Variants in EXO1 observed in about 807,000 individuals in gnomAD.
EXO1 encodes exonuclease 1.
Under a neutral mutation model 84.5 loss-of-function variants are expected in EXO1, and 69 were observed. The observed-to-expected ratio is 0.82, with a 90% confidence interval of 0.67 to 1.00. EXO1 has a LOEUF of 1.00. EXO1 is among the 50% of genes least tolerant of loss of function. The pLI is 0.00. For missense variants in EXO1, 1,045 were observed against 1,000.7 expected, an observed-to-expected ratio of 1.04 and a Z score of -0.60; for synonymous variants, 373 against 366.1, an observed-to-expected ratio of 1.02 and a Z score of -0.21.
At chr1:241,861,872 C>T (rs1217101433) in intron 10 of EXO1, among the ~76,000 whole-genome samples, 1 of 152,178 alleles carries the variant, frequency 6.6e-6, no homozygotes, top group African/African-American at 2.4e-5. Flanking sequence ...TGTTTTTTCA[C>T]TCATGCACAA....
chr1:241,888,603 C>T (rs550979223), intron 15 of EXO1, among the ~76,000 whole-genome samples: 30 of 152,226 alleles, frequency 2.0e-4, no homozygotes, highest in African/African-American at 7.2e-4. Context: ...TGTTGCTAGA[C>T]AGAAATTAAG....
intron 11 of EXO1, among the ~76,000 whole-genome samples, chr1:241,871,805 T>C (rs1662102719): frequency 6.6e-6 from 1 of 152,098 alleles, no homozygotes; most frequent in African/African-American, 2.4e-5. Flanking sequence ...TGAAATTGTA[T>C]AAACAACTGA....
chr1:241,861,173 G>A (rs4149916), intron 9 of EXO1, among the ~76,000 whole-genome samples: 3,951 of 152,290 alleles, frequency 0.026, 115 homozygotes, highest in South Asian at 0.076. Context: ...CTTAAAGGCA[G>A]GGAGTCAGTG....
chr1:241,888,649 A>G (rs2428688), intron 15 of EXO1, among the ~76,000 whole-genome samples: 107,751 of 152,194 alleles, frequency 0.71, 39,573 homozygotes, highest in Non-Finnish European at 0.82. Flanking sequence ...TTGAGAAAAA[A>G]AGATGTACTG....
intron 6 of EXO1, among the ~76,000 whole-genome samples, chr1:241,855,936 C>T (rs1661001859): frequency 6.6e-6 from 1 of 152,284 alleles, no homozygotes; most frequent in South Asian, 2.1e-4. Context: ...CCGCGCGCAG[C>T]CCCAGTTCTC....
At chr1:241,864,798 A>G (rs1286331841) in intron 10 of EXO1, among the ~76,000 whole-genome samples, 2 of 151,850 alleles carry the variant, frequency 1.3e-5, no homozygotes, top group Admixed American at 1.3e-4. Flanking sequence ...GTTTTGAGGA[A>G]TGATTATGGA....
chr1:241,860,453 C>G, intron 8 of EXO1, 64 bp from the exon 9 acceptor site: 1 of 1,241,432 alleles, frequency 8.1e-7, no homozygotes, highest in Non-Finnish European at 1.2e-6. Context: ...AATCAATCAG[C>G]CTTGAGGATA....
intron 14 of EXO1, among the ~76,000 whole-genome samples, chr1:241,883,754 A>C (rs1662898205): frequency 6.6e-6 from 1 of 152,000 alleles, no homozygotes; most frequent in Non-Finnish European, 1.5e-5. Context: ...GTTTTTGTTT[A>C]AATACTTTAA....
chr1:241,864,381 A>G (rs769807326), intron 10 of EXO1, among the ~76,000 whole-genome samples: 1 of 152,260 alleles, frequency 6.6e-6, no homozygotes, highest in Non-Finnish European at 1.5e-5. Context: ...GTTCCTTGCC[A>G]TTCAATATTT....
intron 11 of EXO1, among the ~76,000 whole-genome samples, chr1:241,870,917 T>C (rs1243820192): frequency 2.0e-5 from 3 of 152,194 alleles, no homozygotes; most frequent in African/African-American, 7.2e-5. Flanking sequence ...AGTAGTAGTC[T>C]TTTAGGCCTG....
chr1:241,857,031 C>A (rs1661088216), intron 6 of EXO1, among the ~76,000 whole-genome samples: 1 of 152,164 alleles, frequency 6.6e-6, no homozygotes, highest in Non-Finnish European at 1.5e-5. Flanking sequence ...GGTGACAGAG[C>A]CAGACCCTGT....
chr1:241,869,476 C>G lies in EXO1; in HGVS notation c.1267+2421C>G, dbSNP rs1017965253. Among the ~76,000 whole-genome samples, 6 of 152,090 alleles carry G rather than the reference C, an allele frequency of 3.9e-5. No individual in the cohort carries two copies. The East Asian group carries it at 9.6e-4, about 24-fold the overall frequency. ...ACTTCCTTCCCTCAGACATCTACATCGGTGAATGAAATAGCAACAATAAAA... is the reference window on the plus strand; with the variant it reads ...ACTTCCTTCCCTCAGACATCTACATGGGTGAATGAAATAGCAACAATAAAA... On this transcript the variant is annotated intron_variant, in intron 11 of 15. Transcript: ENST00000366548.
intron 4 of EXO1, among the ~76,000 whole-genome samples, chr1:241,851,440 TC>T (rs1660664609): frequency 6.6e-6 from 1 of 152,226 alleles, no homozygotes; most frequent in Admixed American, 6.5e-5. Flanking sequence ...ATCTTTTTTT[TC>T]TTTATTTTAG....
At chr1:241,871,914 T>G in intron 11 of EXO1, 118 bp from the exon 12 acceptor site, 1 of 704,180 alleles carries the variant, frequency 1.4e-6, no homozygotes, top group Non-Finnish European at 2.3e-6. Context: ...AGGCATAGTT[T>G]TTTTTTTTTT....
At position 241,866,880 on chromosome 1, in the gene EXO1, A is replaced by G. The variant is rs780398481; in HGVS notation, c.1092A>G (p.Ser364=). The change falls in exon 11 of 16, where the codon TCA becomes TCG. Residue 364 remains serine, a synonymous_variant. Transcript: ENST00000366548. ...HSWDDKTCQK[S]ANVSSIWHRN... ...GGGATGACAAAACATGTCAAAAGTC[A>G]GCTAATGTTAGCAGCATTTGGCATA... The G allele has an allele frequency of 6.2e-7, 1 of 1,614,006 alleles. No homozygotes were observed. Among genetic ancestry groups the G allele is most frequent in the Non-Finnish European group, 8.5e-7 (1 of 1,179,984 alleles).
chr1:241,851,227 T>C (rs1660655797), intron 4 of EXO1, among the ~76,000 whole-genome samples: 1 of 152,208 alleles, frequency 6.6e-6, no homozygotes, highest in African/African-American at 2.4e-5. Flanking sequence ...ATACTGCTAA[T>C]CCTGGTTAGC....
intron 14 of EXO1, among the ~76,000 whole-genome samples, chr1:241,882,789 A>AT (rs941123510): frequency 7.0e-4 from 107 of 152,284 alleles, no homozygotes; most frequent in Middle Eastern, 3.4e-3. Flanking sequence ...TTGCCTCTTC[A>AT]TATTTCAAAA....
intron 10 of EXO1, among the ~76,000 whole-genome samples, chr1:241,865,503 G>T (rs928399976): frequency 6.6e-6 from 1 of 152,040 alleles, no homozygotes; most frequent in Non-Finnish European, 1.5e-5. Flanking sequence ...GAGCCACCAT[G>T]CCTGGCCTAT....
chr1:241,869,009 A>G (rs1661922834), intron 11 of EXO1, among the ~76,000 whole-genome samples: 1 of 152,326 alleles, frequency 6.6e-6, no homozygotes, highest in African/African-American at 2.4e-5. Context: ...GATTTTCTAT[A>G]TAAATGACTG....
Sources: allele counts gnomAD v4.1 joint callset (sites outside exome capture counted in the v4.1 genomes callset), GRCh38; gene constraint gnomAD v4.1.1; transcripts MANE v1.5; gene names NCBI Gene and HGNC (gene_info 2026-07-23, HGNC 2026-07-21).